Variants in FAM3C observed in about 807,000 individuals in gnomAD.
FAM3C encodes the protein protein FAM3C.
Under a neutral mutation model 32.5 loss-of-function variants are expected in FAM3C, and 15 were observed. That is an observed-to-expected ratio of 0.46 (90% CI 0.31 to 0.71). The LOEUF (loss-of-function observed/expected upper bound fraction) is 0.71, where lower values mean the gene tolerates loss of function less well. Ranked by LOEUF, FAM3C falls within the 30% of genes least tolerant of loss-of-function variation. The pLI is 0.05. For missense variants in FAM3C, 175 were observed against 274.4 expected, an observed-to-expected ratio of 0.64 and a Z score of 2.56; for synonymous variants, 75 against 86.1, an observed-to-expected ratio of 0.87 and a Z score of 0.72.
intron 2 of FAM3C, among the ~76,000 whole-genome samples, chr7:121,380,733 T>TTATATATATATATATATA (rs66579763): frequency 0.011 from 1,449 of 133,666 alleles, 15 homozygotes; most frequent in Middle Eastern, 0.019. Context: ...TACAAACATT[T>TTATATATATATATATATA]TATATATATA....
chr7:121,377,552 A>C (rs1195748551), intron 3 of FAM3C, among the ~76,000 whole-genome samples: 1 of 152,216 alleles, frequency 6.6e-6, no homozygotes, highest in Non-Finnish European at 1.5e-5. Context: ...TGTAAGTACA[A>C]GGATCTATGA....
intron 8 of FAM3C, among the ~76,000 whole-genome samples, chr7:121,356,061 A>G (rs541555238): frequency 9.9e-5 from 15 of 151,840 alleles, no homozygotes; most frequent in African/African-American, 3.1e-4. Flanking sequence ...AAGGCCTGAG[A>G]TCAAATAAAA....
At chr7:121,386,314 G>T (rs1009282007) in intron 1 of FAM3C, among the ~76,000 whole-genome samples, 1 of 152,114 alleles carries the variant, frequency 6.6e-6, no homozygotes, top group Non-Finnish European at 1.5e-5. Context: ...CTTCAACTCA[G>T]TGCTGGACAA....
chr7:121,368,446 A>C (rs139593942), intron 5 of FAM3C, among the ~76,000 whole-genome samples: 8 of 152,318 alleles, frequency 5.3e-5, no homozygotes, highest in African/African-American at 1.4e-4. Flanking sequence ...ATCTACTTAT[A>C]GATTTTAGTG....
At chr7:121,372,638 T>C (rs1794171307) in intron 3 of FAM3C, among the ~76,000 whole-genome samples, 2 of 152,158 alleles carry the variant, frequency 1.3e-5, no homozygotes, top group South Asian at 4.1e-4. Flanking sequence ...ATTTACAATT[T>C]ATCAGTTCAA....
chr7:121,387,601 G>A (rs549213741), intron 1 of FAM3C, among the ~76,000 whole-genome samples: 84 of 152,222 alleles, frequency 5.5e-4, no homozygotes, highest in African/African-American at 2.0e-3. Context: ...TGTAGATGAA[G>A]CTATCCATCT....
intron 1 of FAM3C, among the ~76,000 whole-genome samples, chr7:121,390,282 T>C (rs1794548678): frequency 6.6e-6 from 1 of 152,196 alleles, no homozygotes; most frequent in African/African-American, 2.4e-5. Context: ...TATTTCTTAG[T>C]AGTGAAACCA....
chr7:121,351,154 G>A lies in FAM3C; in HGVS notation c.583C>T (p.Pro195Ser). ...CGGKGIKTKS[P>S]FEQHIKNNKD... ...TCTATGACACTAACCTGTTCAAAAG[G>A]GCTTTTTGTCTTAATGCCCTTCCCA... Residue 195 changes from proline to serine, a missense_variant, in exon 9 of 10, where the codon CCT becomes TCT. Pro to Ser is a moderately conservative substitution (Grantham distance 74). Transcript: ENST00000359943. The A allele has an allele frequency of 2.5e-6, 4 of 1,613,198 alleles. No homozygotes were observed. Among genetic ancestry groups the A allele is most frequent in the African/African-American group, 1.3e-5 (1 of 74,948 alleles).
chr7:121,358,513 T>C (rs1461970356), intron 8 of FAM3C, among the ~76,000 whole-genome samples: 1 of 152,030 alleles, frequency 6.6e-6, no homozygotes, highest in Admixed American at 6.6e-5. Context: ...TGAAGTACAA[T>C]TACTTTTATA....
intron 1 of FAM3C, among the ~76,000 whole-genome samples, chr7:121,385,445 C>CAATT (rs573745580): frequency 6.6e-4 from 100 of 152,240 alleles, no homozygotes; most frequent in African/African-American, 2.4e-3. Flanking sequence ...TGTCGCTGGA[C>CAATT]AATGAAACAC....
At chr7:121,371,648 T>C (rs950758819) in intron 4 of FAM3C, among the ~76,000 whole-genome samples, 61 of 152,150 alleles carry the variant, frequency 4.0e-4, no homozygotes, top group Admixed American at 3.1e-3. Context: ...CAGATCTTCC[T>C]AGGAAACAAA....
At chr7:121,376,645 C>T (rs1794242723) in intron 3 of FAM3C, among the ~76,000 whole-genome samples, 1 of 152,104 alleles carries the variant, frequency 6.6e-6, no homozygotes, top group Non-Finnish European at 1.5e-5. Context: ...CAAAAAGTTT[C>T]AGATTTTGGA....
At chr7:121,363,544 T>G (rs986444440) in intron 6 of FAM3C, among the ~76,000 whole-genome samples, 1 of 152,168 alleles carries the variant, frequency 6.6e-6, no homozygotes, top group East Asian at 1.9e-4. Context: ...TTTCTAACCA[T>G]CCTATATATC....
chr7:121,376,489 C>T (rs1212361104), intron 3 of FAM3C, among the ~76,000 whole-genome samples: 1 of 152,112 alleles, frequency 6.6e-6, no homozygotes, highest in Non-Finnish European at 1.5e-5. Context: ...ATCCAAAATG[C>T]TTAGGACCAG....
At chr7:121,394,901 ATACTGTATGAC>A (rs950715544) in intron 1 of FAM3C, among the ~76,000 whole-genome samples, 1 of 152,230 alleles carries the variant, frequency 6.6e-6, no homozygotes, top group African/African-American at 2.4e-5. Flanking sequence ...ACTCTGTAAG[ATACTGTATGAC>A]TAATAGTAAC....
chr7:121,369,937 A>T (rs959448206), intron 5 of FAM3C, among the ~76,000 whole-genome samples: 2 of 138,422 alleles, frequency 1.4e-5, no homozygotes, highest in African/African-American at 6.1e-5. Flanking sequence ...AAAACCTGCT[A>T]GTAAACAGTC....
In FAM3C at chr7:121,387,352, T is replaced by C. The variant is rs1338853965; in HGVS notation, c.-41-4342A>G. On this transcript the variant is annotated intron_variant, in intron 1 of 9. Transcript: ENST00000359943. ...ATAAACATCTTTCCCAACCAGGCTC[T>C]AACAGTCCAACTTTTTTTGCTGGGC... is the stretch of plus-strand genomic sequence containing the variant. Among the ~76,000 whole-genome samples the C allele has an allele frequency of 2.0e-5, 3 of 152,274 alleles. No homozygotes were observed. The East Asian group carries it at 5.8e-4, about 29-fold the overall frequency.
chr7:121,351,501 G>T, intron 8 of FAM3C: 1 of 412,554 alleles, frequency 2.4e-6, no homozygotes, highest in Non-Finnish European at 4.3e-6. Context: ...GGACCTGTTA[G>T]GTTTTTATTT....
chr7:121,393,009 G>C (rs141258672), intron 1 of FAM3C, among the ~76,000 whole-genome samples: 293 of 152,224 alleles, frequency 1.9e-3, no homozygotes, highest in African/African-American at 6.7e-3. Flanking sequence ...TAAATTTATG[G>C]GGGCAGAAAG....
Sources: allele counts gnomAD v4.1 joint callset (sites outside exome capture counted in the v4.1 genomes callset), GRCh38; gene constraint gnomAD v4.1.1; transcripts MANE v1.5; gene names NCBI Gene and HGNC (gene_info 2026-07-23, HGNC 2026-07-21).